The following RCAN2 variants were observed in gnomAD, a reference collection of about 807,000 sequenced individuals.
RCAN2 encodes calcipressin-2.
In RCAN2, 9 loss-of-function variants were observed where a neutral mutation model predicts 23.6. The observed-to-expected ratio is 0.38, with a 90% CI of 0.23 to 0.67. RCAN2 has a LOEUF of 0.67. Ranked by LOEUF, RCAN2 falls within the 30% of genes least tolerant of loss-of-function variation. The pLI is 0.51. For synonymous variants in RCAN2, 109 were observed against 115.7 expected (o/e 0.94, Z 0.37); for missense variants, 273 against 302.3 (o/e 0.90, Z 0.72).
chr6:46,325,432 A>G (rs746848064), intron 2 of RCAN2: 8 of 1,614,200 alleles, frequency 5.0e-6, no homozygotes, highest in Non-Finnish European at 6.8e-6. Flanking sequence ...CATCCACCAC[A>G]CAGGCAACCA....
chr6:46,263,751 T>G (rs2150328304), intron 2 of RCAN2, among the ~76,000 whole-genome samples: 1 of 149,000 alleles, frequency 6.7e-6, no homozygotes, highest in Non-Finnish European at 1.5e-5. Context: ...AAAAAGGTAT[T>G]TCAAGGGATT....
At chr6:46,440,534 A>C (rs1767506798) in intron 2 of RCAN2, among the ~76,000 whole-genome samples, 1 of 152,182 alleles carries the variant, frequency 6.6e-6, no homozygotes, top group African/African-American at 2.4e-5. Context: ...ACATGTTAAA[A>C]GATGATTGTT....
At chr6:46,305,149 A>C (rs1008769910) in intron 2 of RCAN2, among the ~76,000 whole-genome samples, 1 of 152,098 alleles carries the variant, frequency 6.6e-6, no homozygotes. Context: ...GGCTCCTTCC[A>C]TGCTAGACTT....
At chr6:46,472,208 C>T (rs575220092) in intron 1 of RCAN2, among the ~76,000 whole-genome samples, 1 of 152,280 alleles carries the variant, frequency 6.6e-6, no homozygotes, top group African/African-American at 2.4e-5. Context: ...GCTTTTGGGC[C>T]AGCTTGGGGA....
chr6:46,412,798 T>G (rs781776977), intron 2 of RCAN2, among the ~76,000 whole-genome samples: 2 of 152,030 alleles, frequency 1.3e-5, no homozygotes, highest in Non-Finnish European at 2.9e-5. Context: ...CAAGAGGAGT[T>G]GGGACTCTGA....
At chr6:46,415,161 C>T (rs994397340) in intron 2 of RCAN2, among the ~76,000 whole-genome samples, 7 of 152,132 alleles carry the variant, frequency 4.6e-5, no homozygotes, top group South Asian at 2.1e-4. Context: ...CTGGCAACTG[C>T]GGAGGATAGA....
At chr6:46,263,533 G>A (rs1767206552) in intron 2 of RCAN2, among the ~76,000 whole-genome samples, 4 of 57,772 alleles carry the variant, frequency 6.9e-5, no homozygotes, top group South Asian at 5.5e-4. Context: ...GTGTGTGTGT[G>A]TGTGTATGTG....
chr6:46,396,885 A>G (rs1277850456), intron 2 of RCAN2, among the ~76,000 whole-genome samples: 1 of 152,076 alleles, frequency 6.6e-6, no homozygotes, highest in Non-Finnish European at 1.5e-5. Flanking sequence ...GCTGAGGCTG[A>G]CAGATTACCT....
chr6:46,334,825 A>G (rs1582115969), intron 2 of RCAN2, among the ~76,000 whole-genome samples: 1 of 152,096 alleles, frequency 6.6e-6, no homozygotes, highest in Non-Finnish European at 1.5e-5. Context: ...TCTTTGCCGT[A>G]CCTTCCTCCC....
At chr6:46,321,921 G>A (rs1318695805) in intron 2 of RCAN2, among the ~76,000 whole-genome samples, 3 of 152,150 alleles carry the variant, frequency 2.0e-5, no homozygotes, top group African/African-American at 4.8e-5. Flanking sequence ...ACAATTCTTG[G>A]CTGACCTCAC....
At chr6:46,384,255 C>A (rs1307249041) in intron 2 of RCAN2, among the ~76,000 whole-genome samples, 1 of 152,210 alleles carries the variant, frequency 6.6e-6, no homozygotes, top group African/African-American at 2.4e-5. Flanking sequence ...CTTCTAGCAG[C>A]TTTTAATTAA....
intron 2 of RCAN2, among the ~76,000 whole-genome samples, chr6:46,436,388 T>G (rs1382640123): frequency 6.6e-6 from 1 of 152,198 alleles, no homozygotes; most frequent in African/African-American, 2.4e-5. Flanking sequence ...AATTTTTTTG[T>G]ATTTTTAGTA....
At chr6:46,275,415 G>A (rs1468719610) in intron 2 of RCAN2, among the ~76,000 whole-genome samples, 1 of 152,184 alleles carries the variant, frequency 6.6e-6, no homozygotes, top group Non-Finnish European at 1.5e-5. Flanking sequence ...AGCTCATGAT[G>A]AGAATGCAAT....
At chr6:46,455,480 C>A (rs1225457184) in intron 2 of RCAN2, among the ~76,000 whole-genome samples, 1 of 151,754 alleles carries the variant, frequency 6.6e-6, no homozygotes, top group African/African-American at 2.4e-5. Flanking sequence ...CAGCAATGGG[C>A]AGAAAGAGCT....
chr6:46,445,468 A>T (rs771381395), intron 2 of RCAN2, among the ~76,000 whole-genome samples: 11 of 152,238 alleles, frequency 7.2e-5, no homozygotes, highest in Non-Finnish European at 1.6e-4. Flanking sequence ...CCAGTCCAAA[A>T]AGACAGGAAT....
At chr6:46,472,226 A>G (rs1395531739) in intron 1 of RCAN2, among the ~76,000 whole-genome samples, 1 of 152,268 alleles carries the variant, frequency 6.6e-6, no homozygotes, top group Non-Finnish European at 1.5e-5. Flanking sequence ...GGATCTGGTC[A>G]TAATTCATGA....
intron 1 of RCAN2, among the ~76,000 whole-genome samples, chr6:46,467,485 T>G (rs935658786): frequency 5.3e-5 from 8 of 152,250 alleles, no homozygotes; most frequent in African/African-American, 1.9e-4. Context: ...TTAACCATCT[T>G]AAGTTCTCAA....
chr6:46,321,312 C>T (rs1199127787), intron 2 of RCAN2, among the ~76,000 whole-genome samples: 2 of 152,210 alleles, frequency 1.3e-5, no homozygotes, highest in East Asian at 1.9e-4. Flanking sequence ...GTCTGCATCT[C>T]ATGTTAGAAT....
intron 2 of RCAN2, among the ~76,000 whole-genome samples, chr6:46,341,765 T>C (rs1444727956): frequency 6.6e-6 from 1 of 151,848 alleles, no homozygotes; most frequent in Non-Finnish European, 1.5e-5. Context: ...GCCATTTCAC[T>C]CCAGCCTGGG....
Sources: allele counts gnomAD v4.1 joint callset (sites outside exome capture counted in the v4.1 genomes callset), GRCh38; gene constraint gnomAD v4.1.1; transcripts MANE v1.5; gene names NCBI Gene and HGNC (gene_info 2026-07-23, HGNC 2026-07-21).